Variants in GNAI1 observed in about 807,000 individuals in gnomAD.
GNAI1 encodes G protein subunit alpha i1, also known as guanine nucleotide-binding protein G(i) subunit alpha-1.
GNAI1 carries 11 observed loss-of-function variants against 38.9 expected under a neutral mutation model. That is an observed-to-expected ratio of 0.28 (90% CI 0.18 to 0.47). The LOEUF (loss-of-function observed/expected upper bound fraction) is 0.47, where lower values mean the gene tolerates loss of function less well. Among genes scored for constraint, GNAI1 ranks in the 20% least tolerant of loss-of-function variants. The pLI, the probability that GNAI1 is intolerant of heterozygous loss-of-function variation, is 0.99. For missense variants in GNAI1, 317 were observed against 436.9 expected (o/e 0.73, Z 2.45); for synonymous variants, 166 against 145.1 (o/e 1.14, Z -1.04).
chr7:80,138,632 A>G (rs1271998746), intron 1 of GNAI1, among the ~76,000 whole-genome samples: 1 of 152,228 alleles, frequency 6.6e-6, no homozygotes, highest in Non-Finnish European at 1.5e-5. Flanking sequence ...TAACTATAGT[A>G]TACTACTTGT....
intron 1 of GNAI1, chr7:80,187,161 C>G (rs1196092012): frequency 6.6e-6 from 1 of 151,272 alleles, no homozygotes; most frequent in Non-Finnish European, 1.5e-5. Flanking sequence ...ACTATGACCT[C>G]TTTTCAGATG....
intron 1 of GNAI1, among the ~76,000 whole-genome samples, chr7:80,151,352 CAT>C (rs1787723149): frequency 6.6e-6 from 1 of 151,664 alleles, no homozygotes; most frequent in Admixed American, 6.6e-5. Context: ...ACTATGAAAA[CAT>C]ATAATTAAGT....
chr7:80,159,022 G>A (rs1333862222), intron 1 of GNAI1, among the ~76,000 whole-genome samples: 1 of 152,162 alleles, frequency 6.6e-6, no homozygotes, highest in Non-Finnish European at 1.5e-5. Flanking sequence ...TGCTGATACT[G>A]CTGATGCCCA....
chr7:80,216,287 T>A (rs2115723666), intron 7 of GNAI1, among the ~76,000 whole-genome samples: 1 of 152,058 alleles, frequency 6.6e-6, no homozygotes, highest in East Asian at 1.9e-4. Flanking sequence ...GAAAGCCCCA[T>A]CATGCTTCCT....
intron 3 of GNAI1, among the ~76,000 whole-genome samples, chr7:80,197,506 A>C (rs987256052): frequency 2.6e-5 from 4 of 152,068 alleles, no homozygotes; most frequent in Non-Finnish European, 5.9e-5. Flanking sequence ...TTAAGCGAAG[A>C]GTACTTTTCT....
At position 80,220,826 on chromosome 7, in the gene GNAI1, T is replaced by C. The variant is rs1324025006; in HGVS notation, c.*3333T>C. The stretch of plus-strand genomic sequence containing the variant: ...CATGTCTGTCAGAGGACCCCAAAGA[T>C]GCTACCTTATTTCCAGAAAATGTGT... On this transcript the variant is annotated 3_prime_UTR_variant, in exon 8 of 8. Transcript: ENST00000649796. 6.6e-6 allele frequency among the ~76,000 whole-genome samples: 1 copy of C among 152,174 alleles called. No homozygotes were observed. Among genetic ancestry groups the C allele is most frequent in the Non-Finnish European group, 1.5e-5 (1 of 68,024 alleles).
At chr7:80,210,862 A>T in intron 5 of GNAI1, 107 bp from the exon 6 acceptor site, 1 of 857,554 alleles carries the variant, frequency 1.2e-6, no homozygotes, top group Non-Finnish European at 1.8e-6. Flanking sequence ...CTTCCTTTTC[A>T]TCAGACATTT....
chr7:80,200,090 C>T (rs1788650894), intron 4 of GNAI1, among the ~76,000 whole-genome samples: 1 of 151,538 alleles, frequency 6.6e-6, no homozygotes, highest in South Asian at 2.1e-4. Context: ...CTAAGGTGGG[C>T]AGATCACTTG....
chr7:80,149,168 G>A (rs1464062625), intron 1 of GNAI1, among the ~76,000 whole-genome samples: 1 of 151,906 alleles, frequency 6.6e-6, no homozygotes, highest in Non-Finnish European at 1.5e-5. Context: ...ACTTATTCTG[G>A]CTTAAATATT....
intron 3 of GNAI1, among the ~76,000 whole-genome samples, chr7:80,190,164 G>C (rs1788457258): frequency 6.6e-6 from 1 of 151,850 alleles, no homozygotes; most frequent in Non-Finnish European, 1.5e-5. Context: ...TTTTAAACAT[G>C]TAGGCTCAAT....
intron 1 of GNAI1, among the ~76,000 whole-genome samples, chr7:80,144,243 T>G (rs1344567133): frequency 6.6e-6 from 1 of 151,714 alleles, no homozygotes; most frequent in South Asian, 2.1e-4. Flanking sequence ...TTTTTTTTTT[T>G]GGAAAATAAA....
At chr7:80,136,498 T>G (rs939301806) in intron 1 of GNAI1, among the ~76,000 whole-genome samples, 5 of 152,312 alleles carry the variant, frequency 3.3e-5, no homozygotes, top group Non-Finnish European at 1.5e-5. Flanking sequence ...GTAATAATGA[T>G]CTGAGTCATT....
intron 1 of GNAI1, among the ~76,000 whole-genome samples, chr7:80,144,405 T>A (rs1310642952): frequency 6.6e-6 from 1 of 152,182 alleles, no homozygotes; most frequent in Non-Finnish European, 1.5e-5. Context: ...TCCAGGATTA[T>A]AACGGATTTA....
intron 1 of GNAI1, among the ~76,000 whole-genome samples, chr7:80,148,953 A>G (rs962349205): frequency 3.9e-5 from 6 of 152,082 alleles, no homozygotes; most frequent in Non-Finnish European, 5.9e-5. Context: ...TGTAGTCTCA[A>G]TAGTCTTAAT....
chr7:80,198,658 G>A (rs953766128), intron 3 of GNAI1, among the ~76,000 whole-genome samples: 1 of 151,986 alleles, frequency 6.6e-6, no homozygotes, highest in East Asian at 1.9e-4. Context: ...ATTTTAATGT[G>A]TCCATACTTA....
rs1789055680 is a variant in GNAI1, at chr7:80,220,578, T to C, written c.*3085T>C. On this transcript the variant is annotated 3_prime_UTR_variant, in exon 8 of 8. Transcript: ENST00000649796. Reference sequence around the variant, plus strand: ...GCCATTCTTAAAGTCCCTAAGGCGCTTGTGGTTTCTAAAATTCTCTTCATT... The same window carrying C: ...GCCATTCTTAAAGTCCCTAAGGCGCCTGTGGTTTCTAAAATTCTCTTCATT... 6.6e-6 allele frequency among the ~76,000 whole-genome samples: 1 copy of C among 152,232 alleles called. No individual in the cohort carries two copies. Among genetic ancestry groups the C allele is most frequent in the Admixed American group, 6.5e-5 (1 of 15,286 alleles).
At chr7:80,147,818 A>G (rs1014180593) in intron 1 of GNAI1, among the ~76,000 whole-genome samples, 2 of 152,164 alleles carry the variant, frequency 1.3e-5, no homozygotes, top group African/African-American at 4.8e-5. Flanking sequence ...TCATAATATC[A>G]TTTGCTGGTT....
chr7:80,206,841 C>G (rs1300793652), intron 5 of GNAI1, among the ~76,000 whole-genome samples: 1 of 151,920 alleles, frequency 6.6e-6, no homozygotes, highest in East Asian at 1.9e-4. Flanking sequence ...AAGAGACTAA[C>G]AAGTAATAAT....
chr7:80,213,316 G>C (rs1489007323), intron 7 of GNAI1, among the ~76,000 whole-genome samples: 1 of 152,134 alleles, frequency 6.6e-6, no homozygotes, highest in Non-Finnish European at 1.5e-5. Context: ...CATTGAGGCA[G>C]CTAACTCTTC....
Sources: allele counts gnomAD v4.1 joint callset (sites outside exome capture counted in the v4.1 genomes callset), GRCh38; gene constraint gnomAD v4.1.1; transcripts MANE v1.5; gene names NCBI Gene and HGNC (gene_info 2026-07-23, HGNC 2026-07-21).